The following ADAMTSL1 variants were observed in gnomAD, a reference collection of about 807,000 sequenced individuals.
ADAMTSL1 encodes the protein ADAMTS like 1.
ADAMTSL1 carries 126 observed loss-of-function variants against 201.8 expected under a neutral mutation model. That is an observed-to-expected ratio of 0.62 (90% confidence interval 0.54 to 0.72). The LOEUF (loss-of-function observed/expected upper bound fraction) is 0.72. Among genes scored for constraint, ADAMTSL1 ranks in the 30% least tolerant of loss-of-function variants. The pLI is 0.00. For synonymous variants in ADAMTSL1, 1,121 were observed against 903.4 expected, an observed-to-expected ratio of 1.24 and a Z score of -4.32; for missense variants, 2,679 against 2,277.8, an observed-to-expected ratio of 1.18 and a Z score of -3.59.
intron 4 of ADAMTSL1, among the ~76,000 whole-genome samples, chr9:18,594,396 T>C (rs1824122774): frequency 6.6e-6 from 1 of 152,180 alleles, no homozygotes; most frequent in Non-Finnish European, 1.5e-5. Context: ...TTTCTGTTAC[T>C]ACTTTTTTGA....
rs573302111 is a variant in ADAMTSL1, at chr9:18,581,021, A to C, written c.474+6755A>C. On this transcript the variant is annotated intron_variant, in intron 4 of 28. Transcript: ENST00000380548. ...TTCCTTTACATGGTGGCTTAAAACAACAGAAATTTATTCTCCCACAGTTCA... is the reference window on the plus strand; with the variant it reads ...TTCCTTTACATGGTGGCTTAAAACACCAGAAATTTATTCTCCCACAGTTCA... 3.5e-4 allele frequency among the ~76,000 whole-genome samples: 53 copies of C among 152,218 alleles called. No homozygotes were observed. The South Asian group carries it at 9.8e-3, about 28-fold the overall frequency.
intron 2 of ADAMTSL1, among the ~76,000 whole-genome samples, chr9:18,397,693 C>G (rs1271649147): frequency 6.6e-6 from 1 of 152,098 alleles, no homozygotes; most frequent in Non-Finnish European, 1.5e-5. Flanking sequence ...ACCACAATTT[C>G]AGAGATGATG....
chr9:18,710,747 A>G (rs1399799928), intron 14 of ADAMTSL1, among the ~76,000 whole-genome samples: 3 of 143,624 alleles, frequency 2.1e-5, no homozygotes, highest in Admixed American at 7.4e-5. Flanking sequence ...ACCTCAAAGT[A>G]GTTGTAACAT....
At chr9:17,916,326 T>G (rs1826093012) in intron 1 of ADAMTSL1, among the ~76,000 whole-genome samples, 1 of 152,226 alleles carries the variant, frequency 6.6e-6, no homozygotes, top group Non-Finnish European at 1.5e-5. Context: ...AGCTTTTAAT[T>G]TTGATGAAGT....
chr9:18,817,115 C>T lies in ADAMTSL1; in HGVS notation c.3812C>T (p.Pro1271Leu). ...VSIAVTLAGK[P>L]LVKTSRMTVI... ...TATTCTTTCTTATCTTCAGGAAAGC[C>T]ACTAGTGAAAACGTCACGAATGACA... Residue 1271 changes from proline to leucine, a missense_variant, in exon 21 of 29, where the codon CCA (proline) becomes CTA (leucine). By Grantham distance (98) the Pro-to-Leu change is moderately conservative (BLOSUM62 -3). Coordinates refer to ENST00000380548, the MANE Select transcript of ADAMTSL1 (RefSeq NM_001040272.6). 1 of 1,609,108 alleles carries T rather than the reference C, an allele frequency of 6.2e-7. No homozygotes were observed. Among genetic ancestry groups the T allele is most frequent in the Non-Finnish European group, 8.5e-7 (1 of 1,178,044 alleles).
chr9:18,892,180 A>C (rs1018386151), intron 25 of ADAMTSL1, among the ~76,000 whole-genome samples: 14 of 152,372 alleles, frequency 9.2e-5, no homozygotes, highest in African/African-American at 3.1e-4. Context: ...GAACCTTGCC[A>C]CATAGCATTC....
chr9:18,155,771 TGATACA>T (rs1827125961), intron 1 of ADAMTSL1, among the ~76,000 whole-genome samples: 1 of 152,000 alleles, frequency 6.6e-6, no homozygotes, highest in Admixed American at 6.6e-5. Flanking sequence ...TGGCCTGTTT[TGATACA>T]GATAGGGATG....
intron 13 of ADAMTSL1, among the ~76,000 whole-genome samples, chr9:18,687,875 A>C (rs1287075442): frequency 3.9e-5 from 6 of 152,212 alleles, no homozygotes; most frequent in Non-Finnish European, 7.3e-5. Context: ...GGTTGCAGTA[A>C]ACACCATGCA....
chr9:18,390,379 G>T (rs981870273), intron 2 of ADAMTSL1, among the ~76,000 whole-genome samples: 1 of 152,054 alleles, frequency 6.6e-6, no homozygotes, highest in Non-Finnish European at 1.5e-5. Flanking sequence ...GTGTTTTCTG[G>T]GCAGACAAGT....
chr9:18,812,576 G>T (rs1823568910), intron 20 of ADAMTSL1, among the ~76,000 whole-genome samples: 1 of 152,090 alleles, frequency 6.6e-6, no homozygotes, highest in African/African-American at 2.4e-5. Context: ...TTTTGCTTTT[G>T]TTGCCTATGT....
intron 23 of ADAMTSL1, among the ~76,000 whole-genome samples, chr9:18,833,489 C>T (rs570821299): frequency 3.9e-4 from 60 of 152,240 alleles, no homozygotes; most frequent in Non-Finnish European, 7.4e-4. Flanking sequence ...GATTGTTGGA[C>T]GCATGTATAT....
chr9:18,392,324 A>C (rs993061764), intron 2 of ADAMTSL1, among the ~76,000 whole-genome samples: 10 of 152,312 alleles, frequency 6.6e-5, no homozygotes, highest in Non-Finnish European at 1.3e-4. Flanking sequence ...ATAAAGAGGC[A>C]CTCACTAGCC....
At chr9:18,662,699 T>A (rs1264557673) in intron 9 of ADAMTSL1, among the ~76,000 whole-genome samples, 1 of 152,244 alleles carries the variant, frequency 6.6e-6, no homozygotes, top group Non-Finnish European at 1.5e-5. Context: ...TATTTGCTTT[T>A]TGGAAACTAC....
chr9:18,199,622 T>G (rs978617041), intron 2 of ADAMTSL1, among the ~76,000 whole-genome samples: 5 of 152,114 alleles, frequency 3.3e-5, no homozygotes, highest in Non-Finnish European at 7.4e-5. Flanking sequence ...CTCCTGTGGC[T>G]TAAAGTCCAA....
intron 2 of ADAMTSL1, among the ~76,000 whole-genome samples, chr9:18,387,964 C>T (rs1285097987): frequency 7.8e-6 from 1 of 128,862 alleles, no homozygotes; most frequent in African/African-American, 2.5e-5. Flanking sequence ...GGTACATAAA[C>T]ATTCAAAATT....
chr9:18,295,989 G>A (rs1414227055), intron 2 of ADAMTSL1, among the ~76,000 whole-genome samples: 1 of 152,108 alleles, frequency 6.6e-6, no homozygotes, highest in Non-Finnish European at 1.5e-5. Context: ...GTGCCTCCTG[G>A]TAATGATGCA....
chr9:18,557,806 A>G (rs911313597), intron 3 of ADAMTSL1, among the ~76,000 whole-genome samples: 1 of 152,060 alleles, frequency 6.6e-6, no homozygotes, highest in African/African-American at 2.4e-5. Context: ...TGCAATCTCC[A>G]TATTTGCAAT....
intron 2 of ADAMTSL1, among the ~76,000 whole-genome samples, chr9:18,342,746 A>G (rs1399419168): frequency 6.6e-6 from 1 of 151,984 alleles, no homozygotes; most frequent in Non-Finnish European, 1.5e-5. Flanking sequence ...CTGGTTGTTT[A>G]TTTCTGAGTC....
intron 7 of ADAMTSL1, among the ~76,000 whole-genome samples, chr9:18,649,343 G>A (rs907239603): frequency 6.6e-6 from 1 of 151,782 alleles, no homozygotes; most frequent in African/African-American, 2.4e-5. Flanking sequence ...ATTTCCTCCT[G>A]TAGCTCGGAG....
Sources: gnomAD v4.1 joint callset for allele counts (sites outside exome capture counted in the v4.1 genomes callset) on GRCh38, gnomAD v4.1.1 for gene constraint, MANE v1.5 for transcripts, NCBI Gene and HGNC (gene_info 2026-07-23, HGNC 2026-07-21) for gene names.